Variants in PPP6R2 observed in about 807,000 individuals in gnomAD.
PPP6R2 encodes the protein protein phosphatase 6 regulatory subunit 2, also known as serine/threonine-protein phosphatase 6 regulatory subunit 2.
In PPP6R2, 62 loss-of-function variants were observed where a neutral mutation model predicts 100.2. The observed-to-expected ratio is 0.62, with a 90% CI of 0.50 to 0.76. The LOEUF (loss-of-function observed/expected upper bound fraction) is 0.76. PPP6R2 is among the 30% of genes least tolerant of loss of function. The pLI is 0.00. For synonymous variants in PPP6R2, 525 were observed against 514.7 expected, an observed-to-expected ratio of 1.02 and a Z score of -0.27; for missense variants, 1,142 against 1,276.3, an observed-to-expected ratio of 0.89 and a Z score of 1.60.
At chr22:50,335,090 C>T in the PPP6R2 span, among the ~76,000 whole-genome samples, 7 of 151,954 alleles carry the variant, frequency 4.6e-5, no homozygotes, top group East Asian at 3.9e-4. Context: ...CTCGCTCTGT[C>T]GCCCAGGCTG....
the PPP6R2 span, among the ~76,000 whole-genome samples, chr22:50,337,541 GAT>G: frequency 7.1e-6 from 1 of 141,450 alleles, no homozygotes; most frequent in Non-Finnish European, 1.5e-5. Flanking sequence ...TAGTGTGTGC[GAT>G]GTGTGGTGTG....
intron 1 of PPP6R2, among the ~76,000 whole-genome samples, chr22:50,367,139 G>A (rs1008935594): frequency 1.1e-4 from 17 of 152,098 alleles, no homozygotes; most frequent in African/African-American, 4.1e-4. Flanking sequence ...CCCACTTTCT[G>A]GTTGAGATGT....
intron 1 of PPP6R2, among the ~76,000 whole-genome samples, chr22:50,368,182 C>T (rs141506041): frequency 2.6e-5 from 4 of 152,236 alleles, no homozygotes; most frequent in African/African-American, 9.6e-5. Context: ...ACCGCTGAAG[C>T]ACAGCATCAC....
intron 1 of PPP6R2, among the ~76,000 whole-genome samples, chr22:50,365,383 A>G (rs1196469947): frequency 6.6e-6 from 1 of 152,026 alleles, no homozygotes; most frequent in Non-Finnish European, 1.5e-5. Context: ...AGATACACTT[A>G]TAAGAACTAT....
intron 5 of PPP6R2, among the ~76,000 whole-genome samples, chr22:50,415,151 G>A (rs2060351471): frequency 1.3e-5 from 2 of 152,244 alleles, no homozygotes; most frequent in South Asian, 2.1e-4. Flanking sequence ...TTTAGTCAGT[G>A]AGAACAGGTG....
intron 22 of PPP6R2, among the ~76,000 whole-genome samples, chr22:50,441,488 C>T (rs1372440588): frequency 6.6e-6 from 1 of 152,182 alleles, no homozygotes; most frequent in African/African-American, 2.4e-5. Context: ...ATCTGTGGGG[C>T]TCACGCAGAC....
At position 50,437,615 on chromosome 22, in the gene PPP6R2, T is replaced by C. The variant is rs1283008392; in HGVS notation, c.1781+12T>C. Reference sequence around the variant, plus strand: ...GACGACAACATCAAGTGAGTCTACTTGGAGCGCACTCTGCACGAGGCGCGG... The same window carrying C: ...GACGACAACATCAAGTGAGTCTACTCGGAGCGCACTCTGCACGAGGCGCGG... On this transcript the variant is annotated intron_variant, in intron 16 of 23. Coordinates refer to ENST00000612753, the MANE Select transcript of PPP6R2 (RefSeq NM_001242898.2). 2 of 1,586,778 alleles carry C rather than the reference T, an allele frequency of 1.3e-6. No individual in the cohort carries two copies. Among genetic ancestry groups the C allele is most frequent in the African/African-American group, 1.3e-5 (1 of 74,356 alleles).
At chr22:50,374,581 G>C (rs553104822) in intron 2 of PPP6R2, among the ~76,000 whole-genome samples, 6 of 152,092 alleles carry the variant, frequency 3.9e-5, no homozygotes, top group Non-Finnish European at 8.8e-5. Context: ...TAAATCCATA[G>C]GTTTAGGAAT....
chr22:50,428,342 T>A (rs1030270848), intron 10 of PPP6R2, among the ~76,000 whole-genome samples: 1 of 152,242 alleles, frequency 6.6e-6, no homozygotes, highest in African/African-American at 2.4e-5. Context: ...GTGTCAATTT[T>A]GTATTCTAGA....
intron 1 of PPP6R2, among the ~76,000 whole-genome samples, chr22:50,369,322 A>T (rs1480818173): frequency 1.3e-5 from 2 of 152,022 alleles, no homozygotes; most frequent in African/African-American, 4.8e-5. Context: ...ATTTTGAGTT[A>T]TTTAGCTTAA....
Position 50,431,451 on chromosome 22 carries a change from C to G in PPP6R2, c.1335+69C>G. On this transcript the variant is annotated intron_variant, in intron 11 of 23. Transcript: ENST00000612753. The surrounding 1 kb of genome is among the most constrained non-coding windows in gnomAD (Gnocchi z 4.8). ...CACTCAGACCGTGTCCATGTCAGCG[C>G]TGACGTGTGCCGGACCTCACTGTGC... 1 of 1,408,266 alleles carries G rather than the reference C, an allele frequency of 7.1e-7. No individual in the cohort carries two copies. The allele number at this position is 1,408,266 out of a possible 1,614,324, so 87.2% of individuals were successfully genotyped here.
At chr22:50,333,066 G>A in the PPP6R2 span, among the ~76,000 whole-genome samples, 5 of 152,158 alleles carry the variant, frequency 3.3e-5, no homozygotes, top group Non-Finnish European at 5.9e-5. Flanking sequence ...CTAAGCCCAG[G>A]AGGTGGAGAC....
chr22:50,387,898 A>G (rs2148776115), intron 2 of PPP6R2, among the ~76,000 whole-genome samples: 1 of 152,322 alleles, frequency 6.6e-6, no homozygotes, highest in South Asian at 2.1e-4. Flanking sequence ...TCCTCCCCAC[A>G]GGGGATGTCG....
In PPP6R2 at chr22:50,444,417, T is replaced by G; in HGVS notation, c.*170T>G. The stretch of plus-strand genomic sequence containing the variant: ...GTTGGACGGCCCAGCTTGCGTCTCT[T>G]CTGCCTGAGTGGGCCTCTCAGGTCA... On this transcript the variant is annotated 3_prime_UTR_variant, in exon 24 of 24. Coordinates refer to ENST00000612753, the MANE Select transcript of PPP6R2 (RefSeq NM_001242898.2). 1 of 875,396 alleles carries G rather than the reference T, an allele frequency of 1.1e-6. No homozygotes were observed. 54.2% of individuals were successfully genotyped at this position (875,396 alleles called of 1,614,324 possible).
rs1472524994 is a variant in PPP6R2 at position 50,444,180 on chromosome 22, C to T, written c.2832-19C>T. 6.2e-7 allele frequency: 1 copy of T among 1,612,702 alleles called. No individual in the cohort carries two copies. The highest frequency in any genetic ancestry group is 8.5e-7 in the Non-Finnish European group (1 of 1,179,598). ...GGGCCCGCAGCCCGCACGGTTCCAA[C>T]CCCACCCCATTCCTGCAGGAAGACA... On this transcript the variant is annotated intron_variant, in intron 23 of 23. Coordinates refer to ENST00000612753, the MANE Select transcript of PPP6R2 (RefSeq NM_001242898.2).
At chr22:50,396,643 C>T (rs1323522055) in intron 3 of PPP6R2, among the ~76,000 whole-genome samples, 3 of 152,150 alleles carry the variant, frequency 2.0e-5, no homozygotes, top group Admixed American at 6.6e-5. Flanking sequence ...CAGCAGGGGC[C>T]ACGGCAAATA....
At chr22:50,365,308 C>T (rs539081933) in intron 1 of PPP6R2, among the ~76,000 whole-genome samples, 3 of 152,070 alleles carry the variant, frequency 2.0e-5, no homozygotes, top group South Asian at 2.1e-4. Flanking sequence ...CGACCTCAGG[C>T]GATGCATCTG....
chr22:50,435,562 G>A lies in PPP6R2; in HGVS notation c.1516+481G>A, dbSNP rs561978393. The stretch of plus-strand genomic sequence containing the variant: ...TAAGAACGCAGTGGGTTAGGTGGGC[G>A]CAGGCACAGCACATGTGTGGCAGAG... On this transcript the variant is annotated intron_variant, in intron 13 of 23. Coordinates refer to ENST00000612753, the MANE Select transcript of PPP6R2 (RefSeq NM_001242898.2). Among the ~76,000 whole-genome samples the A allele has an allele frequency of 2.9e-3, 448 of 152,314 alleles. 2 individuals carry two copies. Among genetic ancestry groups the A allele is most frequent in the African/African-American group, 9.9e-3 (410 of 41,560 alleles).
intron 1 of PPP6R2, among the ~76,000 whole-genome samples, chr22:50,346,891 C>T (rs986787921): frequency 5.9e-5 from 9 of 151,346 alleles, no homozygotes; most frequent in East Asian, 5.9e-4. Context: ...CACCCCCACC[C>T]GTACCCGTCA....
Sources: allele counts gnomAD v4.1 joint callset (sites outside exome capture counted in the v4.1 genomes callset), GRCh38; gene constraint gnomAD v4.1.1; non-coding constraint Gnocchi (gnomAD v3.1); transcripts MANE v1.5; gene names NCBI Gene and HGNC (gene_info 2026-07-23, HGNC 2026-07-21).